Variants in NEO1 observed in about 807,000 individuals in gnomAD.
The protein encoded by NEO1 is neogenin 1, also known as neogenin.
A neutral mutation model predicts 159.7 loss-of-function variants in NEO1; 63 were observed. The observed-to-expected ratio is 0.39, with a 90% CI of 0.32 to 0.49. The LOEUF (loss-of-function observed/expected upper bound fraction) is 0.49, where lower values mean the gene tolerates loss of function less well. Among genes scored for constraint, NEO1 ranks in the 20% least tolerant of loss-of-function variants. The pLI, the probability that NEO1 is intolerant of heterozygous loss-of-function variation, is 0.85. For missense variants in NEO1, 1,615 were observed against 1,831.0 expected (o/e 0.88, Z 2.15); for synonymous variants, 633 against 662.0 (o/e 0.96, Z 0.67).
At chr15:73,274,227 C>T (rs1029652774) in intron 20 of NEO1, among the ~76,000 whole-genome samples, 1 of 152,166 alleles carries the variant, frequency 6.6e-6, no homozygotes, top group African/African-American at 2.4e-5. Flanking sequence ...TAAAAGAGGA[C>T]ACTGGTTCCA....
intron 22 of NEO1, among the ~76,000 whole-genome samples, chr15:73,279,158 A>G (rs984017673): frequency 2.6e-5 from 4 of 152,060 alleles, no homozygotes; most frequent in Non-Finnish European, 5.9e-5. Context: ...CAAACTTAAC[A>G]TCCTTCCAGA....
At chr15:73,239,764 C>T (rs1430966320) in intron 8 of NEO1, among the ~76,000 whole-genome samples, 1 of 152,154 alleles carries the variant, frequency 6.6e-6, no homozygotes. Context: ...GATGAAATCA[C>T]GTGATGCATT....
rs1421186096 is a variant in NEO1, at chr15:73,270,298, A to C, written c.2719-18A>C. ...TGATACTTTCTAATTTTAAAGTCTC[A>C]ATTCATGTTTTTTTCAGAATGCAAA... On this transcript the variant is annotated intron_variant, in intron 17 of 28. Transcript: ENST00000261908. The C allele has an allele frequency of 6.2e-7, 1 of 1,614,036 alleles. No homozygotes were observed. The highest frequency in any genetic ancestry group is 1.7e-5 in the Admixed American group (1 of 59,998).
intron 8 of NEO1, among the ~76,000 whole-genome samples, chr15:73,240,863 A>AT (rs1348022523): frequency 6.6e-6 from 1 of 152,190 alleles, no homozygotes; most frequent in African/African-American, 2.4e-5. Flanking sequence ...GGAGAAGTTA[A>AT]TTTTTTTAAG....
intron 5 of NEO1, among the ~76,000 whole-genome samples, chr15:73,168,785 G>A (rs1279048652): frequency 6.6e-6 from 1 of 152,038 alleles, no homozygotes; most frequent in Non-Finnish European, 1.5e-5. Context: ...TGTTAGTTGA[G>A]TCAGTACCAA....
At chr15:73,119,602 C>T (rs1260574009) in intron 2 of NEO1, among the ~76,000 whole-genome samples, 1 of 152,178 alleles carries the variant, frequency 6.6e-6, no homozygotes, top group Non-Finnish European at 1.5e-5. Context: ...AACTCCCACT[C>T]TCCTTTTTCT....
chr15:73,210,234 G>T (rs2037481280), intron 7 of NEO1, among the ~76,000 whole-genome samples: 1 of 152,200 alleles, frequency 6.6e-6, no homozygotes, highest in South Asian at 2.1e-4. Flanking sequence ...CACTTACCAA[G>T]AGGACAGCTC....
At chr15:73,189,794 A>C (rs985261183) in intron 7 of NEO1, among the ~76,000 whole-genome samples, 2 of 152,230 alleles carry the variant, frequency 1.3e-5, no homozygotes, top group Admixed American at 1.3e-4. Flanking sequence ...AAATATATAA[A>C]ACATTTTTGC....
chr15:73,245,753 T>C (rs1255521542), intron 9 of NEO1, among the ~76,000 whole-genome samples: 1 of 151,640 alleles, frequency 6.6e-6, no homozygotes, highest in Non-Finnish European at 1.5e-5. Flanking sequence ...TTTTTTTTTT[T>C]TGTATTTTTA....
chr15:73,177,009 C>T (rs962620826), intron 6 of NEO1, among the ~76,000 whole-genome samples: 4 of 152,154 alleles, frequency 2.6e-5, no homozygotes, highest in African/African-American at 9.7e-5. Flanking sequence ...CTATACAAAA[C>T]TTAACCTTAA....
chr15:73,303,216 C>T lies in NEO1; in HGVS notation c.*520C>T, dbSNP rs1595809424. On this transcript the variant is annotated 3_prime_UTR_variant, in exon 29 of 29. Coordinates refer to ENST00000261908, the MANE Select transcript of NEO1 (RefSeq NM_002499.4). ...ATGGAAAGTCTTTGACAGTGTGGGT[C>T]GTTCCTGGGGTTGGCTTGTTTTTTG... is the stretch of plus-strand genomic sequence containing the variant. 6.5e-6 allele frequency: 1 copy of T among 153,030 alleles called. No homozygotes were observed. The highest frequency in any genetic ancestry group is 2.4e-5 in the African/African-American group (1 of 41,410). The allele number at this position is 153,030 out of a possible 1,614,324, so 9.5% of individuals were successfully genotyped here.
At position 73,168,419 on chromosome 15, in the gene NEO1, G is replaced by A. The variant is rs190572938; in HGVS notation, c.1016-7984G>A. On this transcript the variant is annotated intron_variant, in intron 5 of 28. Coordinates refer to ENST00000261908, the MANE Select transcript of NEO1 (RefSeq NM_002499.4). Reference sequence around the variant, plus strand: ...TCACCATGTTGGCTAGGTTGGTCTCGAACTCCTGACCTCCAGTGATCCACC... The same window carrying A: ...TCACCATGTTGGCTAGGTTGGTCTCAAACTCCTGACCTCCAGTGATCCACC... Among the ~76,000 whole-genome samples, 504 of 148,438 alleles carry A rather than the reference G, an allele frequency of 3.4e-3. 2 individuals carry two copies. The highest frequency in any genetic ancestry group is 0.012 in the African/African-American group (483 of 40,198).
intron 13 of NEO1, chr15:73,255,703 C>T (rs1469207784): frequency 6.6e-6 from 1 of 152,302 alleles, no homozygotes; most frequent in Admixed American, 6.5e-5. Flanking sequence ...AGACTCTGTC[C>T]TGCTCAGTTA....
chr15:73,293,581 C>G (rs374163422), intron 26 of NEO1, 33 bp downstream of exon 26: 1 of 1,596,936 alleles, frequency 6.3e-7, no homozygotes. Context: ...AGATGGAAAC[C>G]ATTCCAAAAG....
At chr15:73,071,297 A>G (rs796648602) in intron 1 of NEO1, among the ~76,000 whole-genome samples, 13 of 152,254 alleles carry the variant, frequency 8.5e-5, no homozygotes, top group African/African-American at 3.1e-4. Context: ...ATCTACTGAG[A>G]GAAAATTTGT....
chr15:73,177,442 A>T (rs1329693840), intron 6 of NEO1, among the ~76,000 whole-genome samples: 1 of 152,226 alleles, frequency 6.6e-6, no homozygotes. Context: ...ACAAGTATTT[A>T]ACATTAAAAA....
At chr15:73,072,257 TA>T (rs1395802953) in intron 1 of NEO1, among the ~76,000 whole-genome samples, 2 of 120,688 alleles carry the variant, frequency 1.7e-5, no homozygotes, top group Admixed American at 8.5e-5. Context: ...AGCCAGCTTT[TA>T]ATTTTTTTTT....
intron 7 of NEO1, among the ~76,000 whole-genome samples, chr15:73,214,220 G>T (rs1042804903): frequency 6.6e-6 from 1 of 152,134 alleles, no homozygotes; most frequent in Non-Finnish European, 1.5e-5. Flanking sequence ...CACTCTGTGG[G>T]TTGTCTGTTT....
At chr15:73,194,649 CTG>C (rs1191364050) in intron 7 of NEO1, among the ~76,000 whole-genome samples, 1 of 152,168 alleles carries the variant, frequency 6.6e-6, no homozygotes, top group African/African-American at 2.4e-5. Flanking sequence ...CTCCACTAGG[CTG>C]ACCCTCCAAA....
Sources: gnomAD v4.1 joint callset for allele counts (sites outside exome capture counted in the v4.1 genomes callset) on GRCh38, gnomAD v4.1.1 for gene constraint, MANE v1.5 for transcripts, NCBI Gene and HGNC (gene_info 2026-07-23, HGNC 2026-07-21) for gene names.